Variants in IQCK observed in about 807,000 individuals in gnomAD.
IQCK encodes IQ domain-containing protein K.
IQCK carries 29 observed loss-of-function variants against 28.1 expected under a neutral mutation model. The observed-to-expected ratio is 1.03, with a 90% CI of 0.77 to 1.41. IQCK has a LOEUF of 1.41. Ranked by LOEUF, IQCK falls within the 40% of genes most tolerant of loss-of-function variation. IQCK has a pLI of 0.00. For synonymous variants in IQCK, 113 were observed against 115.1 expected, an observed-to-expected ratio of 0.98 and a Z score of 0.12; for missense variants, 359 against 314.7, an observed-to-expected ratio of 1.14 and a Z score of -1.07.
At chr16:19,817,341 G>T (rs2056002703) in intron 7 of IQCK, among the ~76,000 whole-genome samples, 4 of 152,166 alleles carry the variant, frequency 2.6e-5, no homozygotes, top group Admixed American at 2.6e-4. Context: ...CCCTAATCAT[G>T]ATGATAATGA....
chr16:19,735,220 G>A, intron 3 of IQCK, 133 bp from the exon 4 acceptor site: 1 of 657,018 alleles, frequency 1.5e-6, no homozygotes, highest in Non-Finnish European at 2.7e-6. Context: ...CTGTAGTCTG[G>A]AGCAAAATAT....
intron 1 of IQCK, among the ~76,000 whole-genome samples, chr16:19,719,414 C>T (rs1229557899): frequency 6.6e-6 from 1 of 151,652 alleles, no homozygotes. Flanking sequence ...GGTGAAACCC[C>T]GTCTCTACTG....
chr16:19,851,705 C>T (rs2141124430), intron 9 of IQCK, among the ~76,000 whole-genome samples: 1 of 152,312 alleles, frequency 6.6e-6, no homozygotes, highest in East Asian at 1.9e-4. Flanking sequence ...ACTGGCTGGG[C>T]ACCAGCCTGC....
chr16:19,776,747 C>T (rs561026335), intron 6 of IQCK, among the ~76,000 whole-genome samples: 4 of 152,242 alleles, frequency 2.6e-5, no homozygotes, highest in African/African-American at 9.6e-5. Flanking sequence ...CGATCTGCCA[C>T]GTACTCTAAT....
chr16:19,718,310 G>A, exon 1 of IQCK: 1 of 1,604,868 alleles, frequency 6.2e-7, no homozygotes, highest in Non-Finnish European at 8.5e-7. Context: ...CGCGGCCATG[G>A]CGGCACCGCG....
chr16:19,785,828 A>G (rs796911370), intron 6 of IQCK, among the ~76,000 whole-genome samples: 6 of 152,284 alleles, frequency 3.9e-5, no homozygotes, highest in African/African-American at 1.4e-4. Context: ...CCGCTCCCAC[A>G]CTGCAGAGTG....
chr16:19,718,308 T>A (rs567714358), exon 1 of IQCK: 3 of 1,604,414 alleles, frequency 1.9e-6, no homozygotes, highest in African/African-American at 1.3e-5. Flanking sequence ...ACCGCGGCCA[T>A]GGCGGCACCG....
chr16:19,763,345 G>A (rs578126394), intron 4 of IQCK, among the ~76,000 whole-genome samples: 1 of 152,254 alleles, frequency 6.6e-6, no homozygotes, highest in South Asian at 2.1e-4. Context: ...AGGTTTAGTA[G>A]GCTGAGAAGG....
intron 6 of IQCK, among the ~76,000 whole-genome samples, chr16:19,777,201 TG>T (rs1278240642): frequency 4.6e-5 from 7 of 151,180 alleles, no homozygotes; most frequent in Non-Finnish European, 1.0e-4. Context: ...AAAAAAAAGG[TG>T]GGGGGCTGGG....
At chr16:19,857,552 T>C in exon 10 of IQCK, 7 of 373,624 alleles carry the variant, frequency 1.9e-5, no homozygotes, top group South Asian at 1.4e-4. Context: ...GAGCCTTAGC[T>C]CTTCATCAGT....
intron 9 of IQCK, among the ~76,000 whole-genome samples, chr16:19,832,247 C>T (rs2056241545): frequency 6.6e-6 from 1 of 151,660 alleles, no homozygotes; most frequent in South Asian, 2.1e-4. Flanking sequence ...TATATATGCA[C>T]ACACATATAT....
At chr16:19,740,702 G>T (rs1360393435) in intron 4 of IQCK, among the ~76,000 whole-genome samples, 1 of 152,142 alleles carries the variant, frequency 6.6e-6, no homozygotes, top group Non-Finnish European at 1.5e-5. Context: ...CGGGCACGGT[G>T]GGTCATGCCT....
chr16:19,731,622 A>G (rs1977842650), intron 2 of IQCK, among the ~76,000 whole-genome samples: 1 of 152,076 alleles, frequency 6.6e-6, no homozygotes, highest in Admixed American at 6.5e-5. Context: ...GATCTTCTTG[A>G]CCCGTATAAA....
intron 6 of IQCK, among the ~76,000 whole-genome samples, chr16:19,783,663 G>A (rs2055523716): frequency 6.6e-6 from 1 of 152,058 alleles, no homozygotes; most frequent in African/African-American, 2.4e-5. Flanking sequence ...ATAATTCCCA[G>A]GACTACTCTT....
intron 6 of IQCK, among the ~76,000 whole-genome samples, chr16:19,776,650 A>G (rs527714668): frequency 1.9e-3 from 293 of 152,336 alleles, no homozygotes; most frequent in African/African-American, 6.0e-3. Context: ...CAGAGGTTGC[A>G]GTGAGCCGAG....
At chr16:19,852,387 C>T (rs999903027) in intron 9 of IQCK, among the ~76,000 whole-genome samples, 3 of 151,408 alleles carry the variant, frequency 2.0e-5, no homozygotes, top group South Asian at 2.1e-4. Context: ...GGCAACAAAG[C>T]GAGACCTCTC....
chr16:19,808,181 T>G (rs2055856918), intron 7 of IQCK, among the ~76,000 whole-genome samples: 1 of 152,184 alleles, frequency 6.6e-6, no homozygotes, highest in South Asian at 2.1e-4. Context: ...GGATTTGGGC[T>G]GCTTCGGGCC....
chr16:19,827,195 A>C (rs764949280), downstream of IQCK: 1 of 1,241,114 alleles, frequency 8.1e-7, no homozygotes, highest in Non-Finnish European at 1.2e-6. Context: ...TTCTTATTCC[A>C]GGCTCAAGAA....
intron 6 of IQCK, among the ~76,000 whole-genome samples, chr16:19,768,179 C>T (rs1282515075): frequency 6.6e-6 from 1 of 152,086 alleles, no homozygotes; most frequent in Non-Finnish European, 1.5e-5. Flanking sequence ...CTCATTTAAT[C>T]TTCACAACAA....
Sources: gnomAD v4.1 joint callset for allele counts (sites outside exome capture counted in the v4.1 genomes callset) on GRCh38, gnomAD v4.1.1 for gene constraint, MANE v1.5 for transcripts, NCBI Gene and HGNC (gene_info 2026-07-23, HGNC 2026-07-21) for gene names.